DIPK2B: variants seen among roughly 807,000 people sequenced by gnomAD.
DIPK2B encodes the protein UPF0672 protein CXorf36.
In DIPK2B, 15 loss-of-function variants were observed where a neutral mutation model predicts 22.2. That is an observed-to-expected ratio of 0.68 (90% CI 0.45 to 1.04). The LOEUF (loss-of-function observed/expected upper bound fraction) is 1.04. Among genes scored for constraint, DIPK2B ranks in the 50% least tolerant of loss-of-function variants. The pLI, the probability that DIPK2B is intolerant of heterozygous loss-of-function variation, is 0.00. For missense variants in DIPK2B, 345 were observed against 348.3 expected (o/e 0.99, Z 0.08); for synonymous variants, 163 against 153.2 (o/e 1.06, Z -0.47).
At chrX:45,186,479 C>T (rs935618777) in intron 2 of DIPK2B, among the ~76,000 whole-genome samples, 4 of 112,050 alleles carry the variant, frequency 3.6e-5, no homozygotes, top group Non-Finnish European at 7.5e-5. Flanking sequence ...CTTAAATTTC[C>T]TTTTCCACTA....
chrX:45,170,842 TG>T (rs927755605), intron 2 of DIPK2B, among the ~76,000 whole-genome samples: 3 of 112,558 alleles, frequency 2.7e-5, no homozygotes, highest in African/African-American at 9.7e-5. Flanking sequence ...CATGCTTGCC[TG>T]CTCTGTTTCA....
At position 45,151,907 on chromosome X, in the gene DIPK2B, G is replaced by C; in HGVS notation, c.1047C>G (p.Cys349Trp). The C allele has an allele frequency of 8.3e-7, 1 of 1,207,235 alleles. No homozygotes were observed. Reference sequence around the variant, plus strand: ...GGCTCTGCTTCTCAGAGATGCTTTCGCAGGAGGGCAGCTGGGCCTGGCAGC... The same window carrying C: ...GGCTCTGCTTCTCAGAGATGCTTTCCCAGGAGGGCAGCTGGGCCTGGCAGC... ...VSGCQAQLPS[C>W]ESISEKQSLV... Residue 349 changes from cysteine to tryptophan, a missense_variant, in exon 5 of 5, where the codon TGC (cysteine) becomes TGG (tryptophan). Coordinates refer to ENST00000398000, the MANE Select transcript of DIPK2B (RefSeq NM_176819.4).
rs61423499 is a variant in DIPK2B, at chrX:45,157,946, G to C, written c.499-58C>G. 3.6e-4 allele frequency: 332 copies of C among 927,696 alleles called. 1 individual carries two copies. The highest frequency in any genetic ancestry group is 3.3e-4 in the Non-Finnish European group (238 of 722,058). The allele number at this position is 927,696 out of a possible 1,213,427, so 76.5% of individuals were successfully genotyped here. A position where few individuals can be genotyped will look rare whatever the true frequency, so the allele number is the denominator to read the frequency against. ...AGGGGGCGGGGCGCTAAGCTCTTGTGGGGGGTTAGCAGGAGGGGGAATGGG... is the reference window on the plus strand; with the variant it reads ...AGGGGGCGGGGCGCTAAGCTCTTGTCGGGGGTTAGCAGGAGGGGGAATGGG... On this transcript the variant is annotated intron_variant, in intron 2 of 4. Coordinates refer to ENST00000398000, the MANE Select transcript of DIPK2B (RefSeq NM_176819.4).
At chrX:45,196,156 G>A (rs2047238308) in intron 1 of DIPK2B, among the ~76,000 whole-genome samples, 2 of 111,931 alleles carry the variant, frequency 1.8e-5, no homozygotes, top group South Asian at 7.4e-4. Context: ...CTTTACAGGT[G>A]GATGGATGGA....
intron 2 of DIPK2B, among the ~76,000 whole-genome samples, chrX:45,179,844 A>G (rs565029321): frequency 3.3e-4 from 37 of 112,442 alleles, no homozygotes; most frequent in Admixed American, 3.2e-3. Flanking sequence ...GAGAAAATAC[A>G]TGATCATCTT....
rs1254935271 is a variant in DIPK2B, at chrX:45,148,449, T to TTC, written c.*3201_*3202dup. The TTC allele has an allele frequency of 9.0e-6, 1 of 111,130 alleles. No homozygotes were observed. Among genetic ancestry groups the TTC allele is most frequent in the Non-Finnish European group, 1.9e-5 (1 of 53,023 alleles). The allele number at this position is 111,130 out of a possible 1,213,427, so 9.2% of individuals were successfully genotyped here. A position where few individuals can be genotyped will look rare whatever the true frequency, so the allele number is the denominator to read the frequency against. The stretch of plus-strand genomic sequence containing the variant: ...CAGGAAGTGTGGGGCTGGCATCTGC[T>TTC]TCTGGTAAGGGCTTCAGGAAGCTTC... On this transcript the variant is annotated 3_prime_UTR_variant, in exon 5 of 5. Transcript: ENST00000398000.
chrX:45,189,028 T>C (rs1182748812), intron 2 of DIPK2B, among the ~76,000 whole-genome samples: 1 of 112,409 alleles, frequency 8.9e-6, no homozygotes, highest in Non-Finnish European at 1.9e-5. Context: ...TTTTGGCTAT[T>C]ATGAATAGTG....
At position 45,148,740 on chromosome X, in the gene DIPK2B, A is replaced by G. The variant is rs1441721149; in HGVS notation, c.*2912T>C. ...GAGATTTGGAGGGGACAAACATCCA[A>G]ACCATATCACAGCTTACACTGTGGA... On this transcript the variant is annotated 3_prime_UTR_variant, in exon 5 of 5. Transcript: ENST00000398000. 1 of 112,313 alleles carries G rather than the reference A, an allele frequency of 8.9e-6. No individual in the cohort carries two copies. The highest frequency in any genetic ancestry group is 1.9e-5 in the Non-Finnish European group (1 of 53,950). 9.3% of individuals were successfully genotyped at this position (112,313 alleles called of 1,213,427 possible). A position where few individuals can be genotyped will look rare whatever the true frequency, so the allele number is the denominator to read the frequency against.
chrX:45,163,438 A>C (rs2047032149), intron 2 of DIPK2B: 1 of 752,267 alleles, frequency 1.3e-6, no homozygotes, highest in Non-Finnish European at 1.6e-6. Context: ...TGAAGACCGA[A>C]ATCTAGATTT....
intron 1 of DIPK2B, among the ~76,000 whole-genome samples, chrX:45,195,743 CTCT>C (rs1437277760): frequency 8.9e-6 from 1 of 112,514 alleles, no homozygotes; most frequent in Non-Finnish European, 1.9e-5. Context: ...TTGCCTGCTG[CTCT>C]TCTTACAAGT....
intron 2 of DIPK2B, among the ~76,000 whole-genome samples, chrX:45,170,618 A>G (rs1461142828): frequency 1.8e-5 from 2 of 112,297 alleles, no homozygotes; most frequent in Non-Finnish European, 3.8e-5. Flanking sequence ...CACCTTGTAG[A>G]AAGTTCATAC....
In DIPK2B at chrX:45,192,019, T is replaced by C. The variant is rs781086512; in HGVS notation, c.234-4A>G. The stretch of plus-strand genomic sequence containing the variant: ...GGAAGCCAGCCAGTTGTCAGATCTG[T>C]TGGAAGAATAGCCCTTTGAGGATTG... On this transcript the variant is annotated splice_polypyrimidine_tract_variant and splice_region_variant and intron_variant, in intron 1 of 4. Transcript: ENST00000398000. 7 of 1,203,863 alleles carry C rather than the reference T, an allele frequency of 5.8e-6. No homozygotes were observed. Among genetic ancestry groups the C allele is most frequent in the Non-Finnish European group, 7.9e-6 (7 of 891,439 alleles).
At position 45,157,615 on chromosome X, in the gene DIPK2B, A is replaced by G. The variant is rs746599818; in HGVS notation, c.672+100T>C. The stretch of plus-strand genomic sequence containing the variant: ...AGGTCCTAACACGGGCTAGTGGCCC[A>G]AGACATGCAGTAAAAGGAGGGAGAG... On this transcript the variant is annotated intron_variant, in intron 3 of 4. Transcript: ENST00000398000. The G allele has an allele frequency of 3.7e-5, 33 of 900,559 alleles. No individual in the cohort carries two copies. The South Asian group carries it at 8.0e-4, about 22-fold the overall frequency. 74.2% of individuals were successfully genotyped at this position (900,559 alleles called of 1,213,427 possible).
intron 1 of DIPK2B, 105 bp from the exon 2 acceptor site, chrX:45,192,120 A>C: frequency 1.2e-6 from 1 of 842,445 alleles, no homozygotes; most frequent in Non-Finnish European, 1.6e-6. Flanking sequence ...CATTTCTCCT[A>C]CTTAGACTGA....
Position 45,191,823 on chromosome X carries a change from C to T in DIPK2B, c.426G>A (p.Glu142=). Residue 142 remains glutamate, a synonymous_variant, in exon 2 of 5, where the codon GAG becomes GAA. Transcript: ENST00000398000. ...ACCTCTCTGTTTTCCGCAGGACACG[C>T]TCAATGCTGCAGGTCTTTGGGGCTG... The part of the protein sequence containing the change: ...SASAPKTCSI[E]RVLRKTERFQ... The T allele has an allele frequency of 3.3e-6, 4 of 1,212,173 alleles. No homozygotes were observed. The highest frequency in any genetic ancestry group is 4.5e-6 in the Non-Finnish European group (4 of 895,551).
At chrX:45,158,018 A>C (rs1163922876) in intron 2 of DIPK2B, 130 bp from the exon 3 acceptor site, 1 of 20,215 alleles carries the variant, frequency 4.9e-5, no homozygotes, top group African/African-American at 4.2e-4. Context: ...CTGGGGGGCC[A>C]GGTGGGGCGT....
chrX:45,176,356 T>C (rs894810623), intron 2 of DIPK2B, among the ~76,000 whole-genome samples: 2 of 111,673 alleles, frequency 1.8e-5, no homozygotes, highest in Non-Finnish European at 3.8e-5. Context: ...AGTTTTAGGA[T>C]GAAAAGAAAG....
At position 45,196,965 on chromosome X, in the gene DIPK2B, A is replaced by G. The variant is rs765747124; in HGVS notation, c.233+3629T>C. On this transcript the variant is annotated intron_variant, in intron 1 of 4. Coordinates refer to ENST00000398000, the MANE Select transcript of DIPK2B (RefSeq NM_176819.4). ...GGGCAGTATGTGATTCATCCTTAGC[A>G]TTCTTGCCAAAGGAAAGATAAAGGA... 9.9e-4 allele frequency among the ~76,000 whole-genome samples: 111 copies of G among 112,190 alleles called. 1 individual carries two copies. The highest frequency in any genetic ancestry group is 3.4e-3 in the African/African-American group (104 of 30,936).
At chrX:45,191,095 A>G (rs2047208651) in intron 2 of DIPK2B, among the ~76,000 whole-genome samples, 1 of 112,073 alleles carries the variant, frequency 8.9e-6, no homozygotes, top group South Asian at 3.7e-4. Context: ...TGCTGGTTGG[A>G]ATGAAGAAGG....
Sources: allele counts gnomAD v4.1 joint callset (sites outside exome capture counted in the v4.1 genomes callset), GRCh38; gene constraint gnomAD v4.1.1; transcripts MANE v1.5; gene names NCBI Gene and HGNC (gene_info 2026-07-23, HGNC 2026-07-21).